The following EYS variants were observed in gnomAD, a reference collection of about 807,000 sequenced individuals.
EYS encodes the protein protein eyes shut homolog.
In EYS, 250 loss-of-function variants were observed where a neutral mutation model predicts 282.1. That is an observed-to-expected ratio of 0.89 (90% CI 0.80 to 0.98). The LOEUF (loss-of-function observed/expected upper bound fraction) is 0.98, where lower values mean the gene tolerates loss of function less well. Ranked by LOEUF, EYS falls within the 50% of genes least tolerant of loss-of-function variation. The pLI is 0.00. For missense variants in EYS, 4,016 were observed against 3,709.0 expected, an observed-to-expected ratio of 1.08 and a Z score of -2.15; for synonymous variants, 1,355 against 1,282.9, an observed-to-expected ratio of 1.06 and a Z score of -1.20.
At chr6:64,132,411 G>A (rs922177829) in intron 31 of EYS, among the ~76,000 whole-genome samples, 1 of 151,710 alleles carries the variant, frequency 6.6e-6, no homozygotes, top group African/African-American at 2.4e-5. Flanking sequence ...TGGAGACAGT[G>A]TAGATAATCT....
intron 31 of EYS, among the ~76,000 whole-genome samples, chr6:64,140,245 T>C (rs577800789): frequency 6.6e-6 from 1 of 152,372 alleles, no homozygotes; most frequent in East Asian, 1.9e-4. Flanking sequence ...CACAAAATTA[T>C]ATTCTGCCAA....
intron 33 of EYS, among the ~76,000 whole-genome samples, chr6:64,007,854 G>A (rs775663377): frequency 2.9e-4 from 44 of 152,174 alleles, no homozygotes; most frequent in Non-Finnish European, 6.3e-4. Flanking sequence ...CTAATAGTAC[G>A]GTTGGTATGG....
At chr6:63,951,792 C>G (rs945469666) in intron 35 of EYS, among the ~76,000 whole-genome samples, 1 of 152,142 alleles carries the variant, frequency 6.6e-6, no homozygotes, top group African/African-American at 2.4e-5. Context: ...TCCAACCTCT[C>G]CCAAATCAGT....
At chr6:65,001,488 T>C (rs1771466322) in intron 13 of EYS, among the ~76,000 whole-genome samples, 1 of 147,732 alleles carries the variant, frequency 6.8e-6, no homozygotes, top group Non-Finnish European at 1.5e-5. Flanking sequence ...CCTCTTCAAC[T>C]TCCGGTTCAC....
chr6:63,913,409 T>C (rs1170722437), intron 35 of EYS, among the ~76,000 whole-genome samples: 1 of 152,202 alleles, frequency 6.6e-6, no homozygotes, highest in Admixed American at 6.5e-5. Context: ...AGTGCACATA[T>C]AGAGTTGTGC....
chr6:64,565,300 C>T (rs1019429813), intron 26 of EYS, among the ~76,000 whole-genome samples: 1 of 151,696 alleles, frequency 6.6e-6, no homozygotes, highest in African/African-American at 2.4e-5. Context: ...CTGTTTATTT[C>T]TTAGTAGTTT....
At chr6:63,764,000 T>TTTCCTTTCTCTCCCCACCATCCCCCTTTC (rs1769720197) in intron 40 of EYS, among the ~76,000 whole-genome samples, 1 of 150,826 alleles carries the variant, frequency 6.6e-6, no homozygotes, top group Non-Finnish European at 1.5e-5. Context: ...CCTTTCTCCC[T>TTTCCTTTCTCTCCCCACCATCCCCCTTTC]TTCTTCCTTC....
chr6:64,798,896 A>C (rs184496836), intron 22 of EYS, among the ~76,000 whole-genome samples: 2 of 151,696 alleles, frequency 1.3e-5, no homozygotes, highest in Admixed American at 1.3e-4. Context: ...TTACCTTCCA[A>C]ATTCTCTGGA....
At chr6:65,514,841 A>T (rs1194153517) in intron 2 of EYS, among the ~76,000 whole-genome samples, 2 of 152,212 alleles carry the variant, frequency 1.3e-5, no homozygotes, top group African/African-American at 4.8e-5. Flanking sequence ...AAAACCCTAG[A>T]AGAAAACCTA....
At chr6:64,424,382 A>G (rs1031962685) in intron 28 of EYS, among the ~76,000 whole-genome samples, 1 of 152,210 alleles carries the variant, frequency 6.6e-6, no homozygotes, top group African/African-American at 2.4e-5. Flanking sequence ...AATACCTATG[A>G]TGTACCAGAT....
At chr6:64,282,560 C>T (rs1213856521) in intron 30 of EYS, among the ~76,000 whole-genome samples, 1 of 152,142 alleles carries the variant, frequency 6.6e-6, no homozygotes, top group East Asian at 1.9e-4. Flanking sequence ...TTTAAGTCTT[C>T]CAGCTGAGGT....
At chr6:64,315,230 T>C (rs1197765955) in intron 29 of EYS, among the ~76,000 whole-genome samples, 2 of 151,866 alleles carry the variant, frequency 1.3e-5, no homozygotes, top group Admixed American at 6.6e-5. Context: ...ACAAGGAAGA[T>C]GTCAAATCCC....
intron 31 of EYS, among the ~76,000 whole-genome samples, chr6:64,089,729 C>A (rs531191970): frequency 8.6e-5 from 13 of 151,982 alleles, no homozygotes; most frequent in Non-Finnish European, 1.5e-5. Flanking sequence ...ATTTACTACT[C>A]TCTTGTTGCT....
At position 65,407,380 on chromosome 6, in the gene EYS, C is replaced by A. The variant is rs370527917; in HGVS notation, c.863-2013G>T. Among the ~76,000 whole-genome samples, 395 of 152,204 alleles carry A rather than the reference C, an allele frequency of 2.6e-3. 2 individuals are homozygous for A. Among genetic ancestry groups the A allele is most frequent in the African/African-American group, 8.8e-3 (367 of 41,548 alleles). ...AAGTGATTCTCCTGCCTCAACCTCC[C>A]AAGTAGCTGGGACTACAGGCATGCA... On this transcript the variant is annotated intron_variant, in intron 5 of 42. Transcript: ENST00000503581.
chr6:63,962,869 A>G (rs1766134813), intron 35 of EYS, among the ~76,000 whole-genome samples: 1 of 152,184 alleles, frequency 6.6e-6, no homozygotes, highest in African/African-American at 2.4e-5. Context: ...CAAATGCCCA[A>G]CAACGATAGA....
chr6:64,418,311 C>A (rs1481125870), intron 28 of EYS, among the ~76,000 whole-genome samples: 1 of 152,142 alleles, frequency 6.6e-6, no homozygotes, highest in African/African-American at 2.4e-5. Flanking sequence ...AAGTATGTAT[C>A]TTAAGAAGCT....
chr6:64,221,649 C>A (rs112208723), intron 31 of EYS, among the ~76,000 whole-genome samples: 1 of 152,082 alleles, frequency 6.6e-6, no homozygotes, highest in African/African-American at 2.4e-5. Flanking sequence ...CAAATGCCAT[C>A]CAAAAATATT....
chr6:65,465,894 G>A (rs1452718796), intron 5 of EYS, among the ~76,000 whole-genome samples: 2 of 151,992 alleles, frequency 1.3e-5, no homozygotes, highest in African/African-American at 4.8e-5. Flanking sequence ...ATCCCTTGAG[G>A]CTGGGAAATT....
chr6:65,421,557 T>C (rs1462472244), intron 5 of EYS, among the ~76,000 whole-genome samples: 4 of 151,902 alleles, frequency 2.6e-5, no homozygotes, highest in African/African-American at 9.7e-5. Flanking sequence ...CTTCAAGAAT[T>C]GTTCCTTTGC....
Sources: allele counts gnomAD v4.1 joint callset (sites outside exome capture counted in the v4.1 genomes callset), GRCh38; gene constraint gnomAD v4.1.1; transcripts MANE v1.5; gene names NCBI Gene and HGNC (gene_info 2026-07-23, HGNC 2026-07-21).